H6PD: variants seen among roughly 807,000 people sequenced by gnomAD.
H6PD encodes the protein GDH/6PGL endoplasmic bifunctional protein.
A neutral mutation model predicts 61.2 loss-of-function variants in H6PD; 48 were observed. The ratio of observed to expected loss-of-function variants is 0.78; its 90% confidence interval spans 0.62 to 1.00. The LOEUF is 1.00. Among genes scored for constraint, H6PD ranks in the 50% least tolerant of loss-of-function variants. The probability of loss-of-function intolerance (pLI) is 0.00; values close to 1 mark genes in which losing one functional copy is unlikely to be tolerated. For synonymous variants in H6PD, 480 were observed against 457.9 expected (o/e 1.05, Z -0.62); for missense variants, 1,093 against 1,065.0 (o/e 1.03, Z -0.37).
rs1430160713 is a variant in H6PD at position 9,264,703 on chromosome 1, A to G, written c.2210A>G (p.Asn737Ser). Residue 737 changes from asparagine (N) to serine (S), a missense_variant, in exon 5 of 5, where the codon AAC becomes AGC. Physicochemically the swap from Asn to Ser is conservative, Grantham distance 46. Coordinates refer to ENST00000377403, the MANE Select transcript of H6PD (RefSeq NM_004285.4). ...RRMSLSLPLI[N>S]RAKKVAVLVM... The stretch of plus-strand genomic sequence containing the variant: ...ATGAGCCTTAGCCTGCCTCTCATCA[A>G]CCGCGCCAAGAAGGTGGCAGTCCTG... The G allele has an allele frequency of 3.1e-6, 5 of 1,613,338 alleles. No individual in the cohort carries two copies. Among genetic ancestry groups the G allele is most frequent in the Middle Eastern group, 1.6e-4 (1 of 6,062 alleles).
Position 9,245,931 on chromosome 1 carries a change from TCTC to T in H6PD, c.627+373_627+375del, listed in dbSNP as rs754005557. Among the ~76,000 whole-genome samples, 2 of 151,694 alleles carry T rather than the reference TCTC, an allele frequency of 1.3e-5. No homozygotes were observed. The highest frequency in any genetic ancestry group is 1.9e-4 in the East Asian group (1 of 5,134). On this transcript the variant is annotated intron_variant, in intron 2 of 4. Coordinates refer to ENST00000377403, the MANE Select transcript of H6PD (RefSeq NM_004285.4). This position sits in a 1 kb window ranked among gnomAD's most constrained non-coding sequence, Gnocchi z 4.8. ...CTGTGGGAATCAGAATGAGCTCTCTTCTCCTGCACCCATCCACCTTTTTTTTTT... is the reference window on the plus strand; with the variant it reads ...CTGTGGGAATCAGAATGAGCTCTCTTCTGCACCCATCCACCTTTTTTTTTT...
chr1:9,251,518 G>A (rs907821190), intron 3 of H6PD, among the ~76,000 whole-genome samples: 4 of 152,260 alleles, frequency 2.6e-5, no homozygotes, highest in African/African-American at 7.2e-5. Context: ...TGCTGGGAGG[G>A]TCCCTGTCCT....
Position 9,264,091 on chromosome 1 carries a change from G to A in H6PD, c.1598G>A (p.Gly533Glu), listed in dbSNP as rs763214070. ...CAGCAGCCGGAGCAGCTGGTGCCAG[G>A]GCCAGGGCCGGCCCCAATGCCCAGT... is the stretch of plus-strand genomic sequence containing the variant. ...SQQQPEQLVP[G>E]PGPAPMPSDF... Residue 533 changes from glycine (G) to glutamate (E), a missense_variant, in exon 5 of 5, where the codon GGG becomes GAG. Physicochemically the swap from Gly to Glu is moderately conservative, Grantham distance 98. Transcript: ENST00000377403. The A allele has an allele frequency of 1.2e-6, 2 of 1,613,940 alleles. No individual in the cohort carries two copies. The highest frequency in any genetic ancestry group is 1.3e-5 in the African/African-American group (1 of 75,058).
chr1:9,259,753 G>T (rs1641656159), intron 3 of H6PD, among the ~76,000 whole-genome samples: 1 of 152,056 alleles, frequency 6.6e-6, no homozygotes, highest in Non-Finnish European at 1.5e-5. Flanking sequence ...TTATGTTGCT[G>T]TTGTTACACT....
intron 3 of H6PD, among the ~76,000 whole-genome samples, chr1:9,259,687 C>A (rs935369052): frequency 6.6e-6 from 1 of 151,542 alleles, no homozygotes; most frequent in African/African-American, 2.4e-5. Flanking sequence ...GCTCTTAACA[C>A]CGGTGTTATG....
At chr1:9,237,519 C>T (rs1289868942) in intron 1 of H6PD, among the ~76,000 whole-genome samples, 1 of 152,170 alleles carries the variant, frequency 6.6e-6, no homozygotes, top group Non-Finnish European at 1.5e-5. Flanking sequence ...AGGCGTAAGC[C>T]ACTGCGCCTG....
chr1:9,237,812 A>G (rs4908830), intron 1 of H6PD, among the ~76,000 whole-genome samples: 32,605 of 152,154 alleles, frequency 0.21, 3,771 homozygotes, highest in East Asian at 0.43. Context: ...AAATGCAGAA[A>G]TGACAGTGGT....
rs1638510769 is a variant in H6PD at position 9,265,059 on chromosome 1, G to A, written c.*190G>A. ...TGACCGGCAGCTCTGTGTATTGGTG[G>A]ATAGATGCAGAAACAAGGAAGAAAT... is the stretch of plus-strand genomic sequence containing the variant. On this transcript the variant is annotated 3_prime_UTR_variant, in exon 5 of 5. Transcript: ENST00000377403. The A allele has an allele frequency of 6.1e-6, 4 of 653,324 alleles. No homozygotes were observed. In the Admixed American group the frequency reaches 9.3e-5, roughly 15 times the overall value. The allele number at this position is 653,324 out of a possible 1,614,324, so 40.5% of individuals were successfully genotyped here.
rs1418828126 is a variant in H6PD at position 9,254,791 on chromosome 1, AG to A, written c.746-7267del. On this transcript the variant is annotated intron_variant, in intron 3 of 4. Coordinates refer to ENST00000377403, the MANE Select transcript of H6PD (RefSeq NM_004285.4). The surrounding 1 kb of genome is among the most constrained non-coding windows in gnomAD (Gnocchi z 4.6). ...TCGTGTATTCACAGAGTTGTGTGTC[AG>A]TACCACAATCAATTTTAGGACATGT... is the stretch of plus-strand genomic sequence containing the variant. Among the ~76,000 whole-genome samples the A allele has an allele frequency of 2.0e-5, 3 of 152,258 alleles. No homozygotes were observed. Among genetic ancestry groups the A allele is most frequent in the African/African-American group, 4.8e-5 (2 of 41,472 alleles).
In H6PD at chr1:9,265,283, C is replaced by A; in HGVS notation, c.*414C>A. The A allele has an allele frequency of 1.1e-5, 4 of 352,392 alleles. No individual in the cohort carries two copies. The highest frequency in any genetic ancestry group is 9.1e-5 in the South Asian group (4 of 43,840). 21.8% of individuals were successfully genotyped at this position (352,392 alleles called of 1,614,324 possible). ...GGGGGAGGTGATCCTTGAACTGGCT[C>A]CCGGGGAACATTCAGAGCATGATTG... is the stretch of plus-strand genomic sequence containing the variant. On this transcript the variant is annotated 3_prime_UTR_variant, in exon 5 of 5. Coordinates refer to ENST00000377403, the MANE Select transcript of H6PD (RefSeq NM_004285.4).
Position 9,268,797 on chromosome 1 carries a change from G to A in H6PD, c.*3928G>A, listed in dbSNP as rs149233912. The A allele has an allele frequency of 2.6e-5, 4 of 152,280 alleles. No homozygotes were observed. The highest frequency in any genetic ancestry group is 1.3e-4 in the Admixed American group (2 of 15,292). The allele number at this position is 152,280 out of a possible 1,614,324, so 9.4% of individuals were successfully genotyped here. The stretch of plus-strand genomic sequence containing the variant: ...ATGCAGGGCTCAGGCTCCCAATTCC[G>A]GGCCTGTCTGCTTTGCTTGTGTTTC... On this transcript the variant is annotated 3_prime_UTR_variant, in exon 5 of 5. Transcript: ENST00000377403.
intron 3 of H6PD, among the ~76,000 whole-genome samples, chr1:9,247,657 G>T (rs1216281457): frequency 1.3e-5 from 2 of 152,056 alleles, no homozygotes; most frequent in African/African-American, 4.8e-5. Flanking sequence ...CAGCCTGTAG[G>T]CTCCAGGAGG....
At position 9,268,188 on chromosome 1, in the gene H6PD, G is replaced by T. The variant is rs1638631730; in HGVS notation, c.*3319G>T. ...CAGGAGACTGAGGCTGCAGTAAGGT[G>T]TGATTGCACTATTGCTCTCTAGCCT... On this transcript the variant is annotated 3_prime_UTR_variant, in exon 5 of 5. Transcript: ENST00000377403. The T allele has an allele frequency of 6.7e-6, 1 of 148,202 alleles. No homozygotes were observed. Among genetic ancestry groups the T allele is most frequent in the Admixed American group, 6.8e-5 (1 of 14,600 alleles). The allele number at this position is 148,202 out of a possible 1,614,324, so 9.2% of individuals were successfully genotyped here.
At chr1:9,260,110 G>A (rs1557747386) in intron 3 of H6PD, among the ~76,000 whole-genome samples, 1 of 151,966 alleles carries the variant, frequency 6.6e-6, no homozygotes, top group Non-Finnish European at 1.5e-5. Flanking sequence ...TCGTTATGTT[G>A]TTACGCCAGT....
intron 4 of H6PD, among the ~76,000 whole-genome samples, chr1:9,262,533 A>G (rs1391928054): frequency 6.6e-6 from 1 of 152,228 alleles, no homozygotes; most frequent in Admixed American, 6.5e-5. Context: ...CCTCAGGGCG[A>G]AGGACATCCC....
intron 4 of H6PD, 35 bp downstream of exon 4, chr1:9,262,363 G>T: frequency 6.4e-7 from 1 of 1,565,404 alleles, no homozygotes; most frequent in Non-Finnish European, 8.7e-7. Context: ...GCACTGGGCT[G>T]CCCACTTCGC....
At chr1:9,240,599 A>G (rs991037964) in intron 1 of H6PD, among the ~76,000 whole-genome samples, 1 of 152,156 alleles carries the variant, frequency 6.6e-6, no homozygotes, top group East Asian at 1.9e-4. Context: ...GCCACCACAC[A>G]TTCGGGTTCC....
intron 1 of H6PD, among the ~76,000 whole-genome samples, chr1:9,244,002 C>T (rs1557736700): frequency 1.3e-5 from 2 of 152,128 alleles, no homozygotes; most frequent in African/African-American, 4.8e-5. Flanking sequence ...GCTTTCTTAC[C>T]CTGGGACCTT....
rs1641114677 is a variant in H6PD at position 9,244,942 on chromosome 1, A to G, written c.8A>G (p.Asn3Ser). The G allele has an allele frequency of 1.9e-6, 3 of 1,613,968 alleles. No individual in the cohort carries two copies. In the South Asian group the frequency reaches 3.3e-5, roughly 18 times the overall value. MW[N>S]MLIVAMCLAL... Reference sequence around the variant, plus strand: ...CACCCCAGGCACCCAGGCATGTGGAATATGCTCATAGTGGCGATGTGCTTG... The same window carrying G: ...CACCCCAGGCACCCAGGCATGTGGAGTATGCTCATAGTGGCGATGTGCTTG... Residue 3 changes from asparagine (N) to serine (S), a missense_variant, in exon 2 of 5, where the codon AAT becomes AGT. Coordinates refer to ENST00000377403, the MANE Select transcript of H6PD (RefSeq NM_004285.4).
Sources: allele counts gnomAD v4.1 joint callset (sites outside exome capture counted in the v4.1 genomes callset), GRCh38; gene constraint gnomAD v4.1.1; non-coding constraint Gnocchi (gnomAD v3.1); transcripts MANE v1.5; gene names NCBI Gene and HGNC (gene_info 2026-07-23, HGNC 2026-07-21).